Variants in LPCAT1 observed in about 807,000 individuals in gnomAD.
LPCAT1 encodes the protein 1-acylglycerol-3-phosphate O-acyltransferase.
In LPCAT1, 23 loss-of-function variants were observed where a neutral mutation model predicts 60.9. That is an observed-to-expected ratio of 0.38 (90% CI 0.27 to 0.53). The LOEUF (loss-of-function observed/expected upper bound fraction) is 0.53, where lower values mean the gene tolerates loss of function less well. Ranked by LOEUF, LPCAT1 falls within the 20% of genes least tolerant of loss-of-function variation. The probability of loss-of-function intolerance (pLI) is 0.82; values close to 1 mark genes in which losing one functional copy is unlikely to be tolerated. For synonymous variants in LPCAT1, 340 were observed against 301.1 expected (o/e 1.13, Z -1.34); for missense variants, 622 against 723.6 (o/e 0.86, Z 1.61).
In LPCAT1 at chr5:1,509,559, C is replaced by T. The variant is rs570138632; in HGVS notation, c.136-7956G>A. On this transcript the variant is annotated intron_variant, in intron 1 of 13. Coordinates refer to ENST00000283415, the MANE Select transcript of LPCAT1 (RefSeq NM_024830.5). Reference sequence around the variant, plus strand: ...CTTCCATCAGCAAACACCACCAGCCCGCCCTCGGCATCTGAGAGCTGGAGG... The same window carrying T: ...CTTCCATCAGCAAACACCACCAGCCTGCCCTCGGCATCTGAGAGCTGGAGG... Among the ~76,000 whole-genome samples, 25 of 152,328 alleles carry T rather than the reference C, an allele frequency of 1.6e-4. No individual in the cohort carries two copies. The East Asian group carries it at 3.7e-3, about 22-fold the overall frequency.
intron 1 of LPCAT1, among the ~76,000 whole-genome samples, chr5:1,504,325 C>T (rs1267686630): frequency 6.6e-6 from 1 of 152,252 alleles, no homozygotes; most frequent in African/African-American, 2.4e-5. Context: ...GCGGAGGAGA[C>T]CGTAGCCTCG....
chr5:1,466,212 C>T (rs555000874), intron 13 of LPCAT1, among the ~76,000 whole-genome samples: 1 of 152,338 alleles, frequency 6.6e-6, no homozygotes, highest in Admixed American at 6.5e-5. Context: ...TATCAACCGC[C>T]ATTACCGACA....
intron 13 of LPCAT1, among the ~76,000 whole-genome samples, chr5:1,466,311 C>A (rs577604044): frequency 6.6e-6 from 1 of 152,204 alleles, no homozygotes; most frequent in Non-Finnish European, 1.5e-5. Context: ...TCGCCCTGGG[C>A]GGCACGGGGG....
chr5:1,494,607 G>T, intron 3 of LPCAT1, 93 bp downstream of exon 3: 1 of 1,212,948 alleles, frequency 8.2e-7, no homozygotes, highest in Non-Finnish European at 1.2e-6. Context: ...CTCACTCCCA[G>T]CAGGAGGGGA....
In LPCAT1 at chr5:1,462,767, G is replaced by A. The variant is rs1485113916; in HGVS notation, c.*884C>T. 1 of 152,210 alleles carries A rather than the reference G, an allele frequency of 6.6e-6. No individual in the cohort carries two copies. The highest frequency in any genetic ancestry group is 1.5e-5 in the Non-Finnish European group (1 of 68,052). The allele number at this position is 152,210 out of a possible 1,614,324, so 9.4% of individuals were successfully genotyped here. On this transcript the variant is annotated 3_prime_UTR_variant, in exon 14 of 14. Coordinates refer to ENST00000283415, the MANE Select transcript of LPCAT1 (RefSeq NM_024830.5). ...CTCATTTGAACAATATCCAACCTCG[G>A]ACTGGAGTTTAGGCTACAGTGAAAT...
intron 6 of LPCAT1, among the ~76,000 whole-genome samples, chr5:1,482,646 G>C (rs1735203076): frequency 1.4e-5 from 1 of 73,026 alleles, no homozygotes; most frequent in African/African-American, 4.8e-5. Flanking sequence ...GGGTGGGGCA[G>C]AGCCGGGGTG....
rs1014839870 is a variant in LPCAT1 at position 1,463,438 on chromosome 5, C to T, written c.*213G>A. ...CCAGGCCAGGCGGGGGATCCGCGTG[C>T]GCGCCCTCCGATTCTCGCACAGTAA... On this transcript the variant is annotated 3_prime_UTR_variant, in exon 14 of 14. Coordinates refer to ENST00000283415, the MANE Select transcript of LPCAT1 (RefSeq NM_024830.5). 32 of 593,974 alleles carry T rather than the reference C, an allele frequency of 5.4e-5. No homozygotes were observed. In the South Asian group the frequency reaches 5.5e-4, roughly 10 times the overall value. The allele number at this position is 593,974 out of a possible 1,614,324, so 36.8% of individuals were successfully genotyped here.
chr5:1,514,640 G>GAGGTCTGCAGCAGCATTTCACTCT (rs1736451479), intron 1 of LPCAT1, among the ~76,000 whole-genome samples: 1 of 152,192 alleles, frequency 6.6e-6, no homozygotes, highest in Non-Finnish European at 1.5e-5. Flanking sequence ...CCGCCAGGCC[G>GAGGTCTGCAGCAGCATTTCACTCT]AGGTCTGCAG....
At chr5:1,489,904 C>T (rs72717531) in intron 3 of LPCAT1, 46 bp from the exon 4 acceptor site, 10 of 1,391,154 alleles carry the variant, frequency 7.2e-6, no homozygotes, top group South Asian at 2.3e-5. Context: ...GCACGGCTCC[C>T]GCCAGGCAGG....
chr5:1,505,750 G>A, intron 1 of LPCAT1, among the ~76,000 whole-genome samples: 1 of 152,228 alleles, frequency 6.6e-6, no homozygotes, highest in Admixed American at 6.5e-5. Context: ...CTTCGTGCAT[G>A]GGTTAGACTG....
rs533355149 is a variant in LPCAT1 at position 1,498,526 on chromosome 5, CACAT to C, written c.278+2931_278+2934del. On this transcript the variant is annotated intron_variant, in intron 2 of 13. Coordinates refer to ENST00000283415, the MANE Select transcript of LPCAT1 (RefSeq NM_024830.5). ...CACAGACATCGCTCTCATATATACT[CACAT>C]GCACACACACACTCATACATATGTA... 3.8e-3 allele frequency among the ~76,000 whole-genome samples: 583 copies of C among 152,300 alleles called. 5 individuals carry two copies. Among genetic ancestry groups the C allele is most frequent in the African/African-American group, 0.013 (556 of 41,544 alleles).
rs2126519855 is a variant in LPCAT1 at position 1,479,696 on chromosome 5, T to C, written c.762-21A>G. The C allele has an allele frequency of 3.8e-6, 6 of 1,595,518 alleles. No individual in the cohort carries two copies. The East Asian group carries it at 8.9e-5, about 24-fold the overall frequency. ...CCAGCCTTAAAAACAGATTGCACAATGTTGAGCAGATTTACAACTCGGGTT... is the reference window on the plus strand; with the variant it reads ...CCAGCCTTAAAAACAGATTGCACAACGTTGAGCAGATTTACAACTCGGGTT... On this transcript the variant is annotated intron_variant, in intron 7 of 13. Coordinates refer to ENST00000283415, the MANE Select transcript of LPCAT1 (RefSeq NM_024830.5).
chr5:1,470,862 C>T lies in LPCAT1; in HGVS notation c.1242G>A (p.Pro414=), dbSNP rs778710823. The part of the protein sequence containing the change: ...CVVALSVVCR[P]ARTLDTIQLA... ...GCTGGATGGTGTCCAGGGTCCGGGC[C>T]GGCCGGCAGACGACAGACAGGGCAA... The change falls in exon 12 of 14, where the codon CCG becomes CCA. Residue 414 remains proline (P), a synonymous_variant. Coordinates refer to ENST00000283415, the MANE Select transcript of LPCAT1 (RefSeq NM_024830.5). 1.1e-5 allele frequency: 18 copies of T among 1,613,502 alleles called. No homozygotes were observed. The highest frequency in any genetic ancestry group is 3.3e-5 in the South Asian group (3 of 91,084).
At position 1,501,475 on chromosome 5, in the gene LPCAT1, C is replaced by T. The variant is rs745632669; in HGVS notation, c.264G>A (p.Pro88=). The T allele has an allele frequency of 1.7e-5, 28 of 1,612,558 alleles. No homozygotes were observed. The highest frequency in any genetic ancestry group is 6.7e-5 in the African/African-American group (5 of 74,874). The change falls in exon 2 of 14, where the codon CCG becomes CCA. Residue 88 remains proline, a synonymous_variant. Transcript: ENST00000283415. ...GCGCAACTTACTTCCTCCACAGGGCCGGGGGCTGCTCGGGTTCCTTCTCCG... is the reference window on the plus strand; with the variant it reads ...GCGCAACTTACTTCCTCCACAGGGCTGGGGGCTGCTCGGGTTCCTTCTCCG... The part of the protein sequence containing the change: ...GSAEKEPEQP[P]ALWRKVVDFL...
At position 1,474,026 on chromosome 5, in the gene LPCAT1, C is replaced by G. The variant is rs756860780; in HGVS notation, c.1110G>C (p.Ala370=). 6.2e-7 allele frequency: 1 copy of G among 1,614,160 alleles called. No homozygotes were observed. The highest frequency in any genetic ancestry group is 2.2e-5 in the East Asian group (1 of 44,880). The change falls in exon 11 of 14, where the codon GCG becomes GCC. Residue 370 remains alanine, a synonymous_variant. Coordinates refer to ENST00000283415, the MANE Select transcript of LPCAT1 (RefSeq NM_024830.5). ...RMKGGEKIGI[A]EFAASLEVPV... is the part of the protein sequence containing the mutation. ...GGACTTCCAGGGAGGCGGCAAACTC[C>G]GCAATACCTATCTTCTCTCCTCCCT...
At chr5:1,504,023 G>A (rs1162762137) in intron 1 of LPCAT1, among the ~76,000 whole-genome samples, 1 of 152,110 alleles carries the variant, frequency 6.6e-6, no homozygotes, top group African/African-American at 2.4e-5. Flanking sequence ...TCTCTGTTGT[G>A]ACCTAATCAT....
intron 4 of LPCAT1, among the ~76,000 whole-genome samples, chr5:1,489,037 C>T (rs1342910601): frequency 1.3e-5 from 2 of 152,236 alleles, no homozygotes; most frequent in Admixed American, 1.3e-4. Flanking sequence ...AGGCTGCTTT[C>T]AGTTCTGGGC....
At chr5:1,501,430 A>AG (rs780107486) in intron 2 of LPCAT1, 31 bp downstream of exon 2, 23 of 1,581,504 alleles carry the variant, frequency 1.5e-5, no homozygotes, top group Non-Finnish European at 2.0e-5. Context: ...ACCCCCCCCC[A>AG]GGAGGAGAGC....
intron 2 of LPCAT1, among the ~76,000 whole-genome samples, chr5:1,500,935 A>G (rs1326572919): frequency 6.6e-6 from 1 of 151,784 alleles, no homozygotes; most frequent in Non-Finnish European, 1.5e-5. Context: ...TGAGGCAGGG[A>G]CCTCCCTAGG....
Sources: gnomAD v4.1 joint callset for allele counts (sites outside exome capture counted in the v4.1 genomes callset) on GRCh38, gnomAD v4.1.1 for gene constraint, MANE v1.5 for transcripts, NCBI Gene and HGNC (gene_info 2026-07-23, HGNC 2026-07-21) for gene names.